Variants in ACBD5 observed in about 807,000 individuals in gnomAD.
The protein encoded by ACBD5 is acyl-CoA-binding domain-containing protein 5.
A neutral mutation model predicts 71.8 loss-of-function variants in ACBD5; 40 were observed. The observed-to-expected ratio is 0.56, with a 90% CI of 0.43 to 0.72. The LOEUF is 0.72. Ranked by LOEUF, ACBD5 falls within the 30% of genes least tolerant of loss-of-function variation. The pLI, the probability that ACBD5 is intolerant of heterozygous loss-of-function variation, is 0.00. For missense variants in ACBD5, 559 were observed against 644.5 expected (o/e 0.87, Z 1.44); for synonymous variants, 229 against 218.6 (o/e 1.05, Z -0.42).
At chr10:27,185,132 C>T (rs1304894816) in intron 13 of ACBD5, among the ~76,000 whole-genome samples, 1 of 152,052 alleles carries the variant, frequency 6.6e-6, no homozygotes, top group Admixed American at 6.6e-5. Flanking sequence ...GGATGGAGCA[C>T]AGGGAAGAAA....
Position 27,195,927 on chromosome 10 carries a change from G to T in ACBD5, c.*1503C>A, listed in dbSNP as rs754671748. On this transcript the variant is annotated 3_prime_UTR_variant, in exon 13 of 13. Coordinates refer to ENST00000396271, the MANE Select transcript of ACBD5 (RefSeq NM_145698.5). ...TTAAAAATTATTTGCTACAGGCCAG[G>T]TGCAGTGGCTCACGCCTCTAATCCC... 2.2e-6 allele frequency: 1 copy of T among 452,516 alleles called. No homozygotes were observed. Among genetic ancestry groups the T allele is most frequent in the Non-Finnish European group, 4.4e-6 (1 of 226,404 alleles). 28.0% of individuals were successfully genotyped at this position (452,516 alleles called of 1,614,324 possible).
Position 27,186,346 on chromosome 10 carries a change from T to C in ACBD5, c.1494-3631A>G, listed in dbSNP as rs73598041. On this transcript the variant is annotated intron_variant, in intron 13 of 13. Transcript: ENST00000676511. Reference sequence around the variant, plus strand: ...AAAGCAGTACTTACTTAGGTAATGATATCATACTGTTTTGTTTTATATTTT... The same window carrying C: ...AAAGCAGTACTTACTTAGGTAATGACATCATACTGTTTTGTTTTATATTTT... 0.048 allele frequency: 76,186 copies of C among 1,592,828 alleles called. 2,009 individuals are homozygous for C. Among genetic ancestry groups the C allele is most frequent in the African/African-American group, 0.084 (6,226 of 74,556 alleles).
rs909474336 is a variant in ACBD5 at position 27,240,607 on chromosome 10, C to A, written c.15+67G>T. 7 of 1,551,018 alleles carry A rather than the reference C, an allele frequency of 4.5e-6. No homozygotes were observed. The highest frequency in any genetic ancestry group is 3.9e-5 in the Admixed American group (2 of 50,980). ...CACACAGATCGAAGCGGCCCGGCTC[C>A]TTCCTCCTCCCCCGGGGCGTGACTA... On this transcript the variant is annotated intron_variant, in intron 1 of 12. Coordinates refer to ENST00000396271, the MANE Select transcript of ACBD5 (RefSeq NM_145698.5). This position sits in a 1 kb window ranked among gnomAD's most constrained non-coding sequence, Gnocchi z 4.1.
upstream of ACBD5, chr10:27,240,840 G>A (rs1294765572): frequency 1.1e-5 from 14 of 1,221,714 alleles, no homozygotes; most frequent in Non-Finnish European, 1.6e-5. This position sits in a 1 kb window ranked among gnomAD's most constrained non-coding sequence, Gnocchi z 4.1. Flanking sequence ...AGAGTCACCG[G>A]AGGACCCACT....
At chr10:27,219,881 C>G in intron 5 of ACBD5, 24 bp from the exon 6 acceptor site, 1 of 1,611,704 alleles carries the variant, frequency 6.2e-7, no homozygotes, top group Non-Finnish European at 8.5e-7. Context: ...TGACCACTTA[C>G]TCACAATGTG....
intron 10 of ACBD5, among the ~76,000 whole-genome samples, chr10:27,207,015 C>A (rs1332646715): frequency 6.6e-6 from 1 of 151,738 alleles, no homozygotes; most frequent in Admixed American, 6.6e-5. Flanking sequence ...CGGTGGCTCA[C>A]GCCTGTAATC....
Position 27,230,616 on chromosome 10 carries a change from G to A in ACBD5, c.375+1132C>T, listed in dbSNP as rs367930119. 1.7e-4 allele frequency among the ~76,000 whole-genome samples: 26 copies of A among 152,106 alleles called. No individual in the cohort carries two copies. The East Asian group carries it at 3.1e-3, about 18-fold the overall frequency. ...ATTTGAGACCAGCCTGGCCAACATC[G>A]TGAAATCCCGTCTGCACTAAAAATA... is the stretch of plus-strand genomic sequence containing the variant. On this transcript the variant is annotated intron_variant, in intron 4 of 12. Coordinates refer to ENST00000396271, the MANE Select transcript of ACBD5 (RefSeq NM_145698.5).
intron 12 of ACBD5, among the ~76,000 whole-genome samples, chr10:27,200,222 G>C (rs2059775697): frequency 6.6e-6 from 1 of 152,092 alleles, no homozygotes; most frequent in African/African-American, 2.4e-5. Context: ...TAAAGAAGCT[G>C]GCTAAAACCC....
At chr10:27,206,873 A>C (rs1470258072) in intron 10 of ACBD5, among the ~76,000 whole-genome samples, 7 of 152,136 alleles carry the variant, frequency 4.6e-5, no homozygotes, top group Non-Finnish European at 2.9e-5. Flanking sequence ...TGATGAAGAC[A>C]ACAAGTCCTC....
At chr10:27,229,415 C>T (rs959507445) in intron 4 of ACBD5, among the ~76,000 whole-genome samples, 7 of 151,508 alleles carry the variant, frequency 4.6e-5, no homozygotes, top group Non-Finnish European at 1.5e-5. Context: ...CATGGTGAAA[C>T]CCCCATCTCT....
intron 7 of ACBD5, among the ~76,000 whole-genome samples, chr10:27,215,903 T>C (rs35344407): frequency 1.3e-3 from 187 of 148,202 alleles, no homozygotes; most frequent in Non-Finnish European, 2.3e-3. Flanking sequence ...AGACGGAGTT[T>C]TGCTCTTGTG....
Position 27,228,441 on chromosome 10 carries a change from G to T in ACBD5, c.375+3307C>A, listed in dbSNP as rs139751188. On this transcript the variant is annotated intron_variant, in intron 4 of 12. Coordinates refer to ENST00000396271, the MANE Select transcript of ACBD5 (RefSeq NM_145698.5). Reference sequence around the variant, plus strand: ...AAATACAAAAAATTAGCCAGATGTGGTGGTTTGCGCCTGTAATCCCAGCTA... The same window carrying T: ...AAATACAAAAAATTAGCCAGATGTGTTGGTTTGCGCCTGTAATCCCAGCTA... 3.9e-3 allele frequency among the ~76,000 whole-genome samples: 588 copies of T among 151,956 alleles called. 5 individuals carry two copies. Among genetic ancestry groups the T allele is most frequent in the African/African-American group, 0.013 (559 of 41,472 alleles).
At chr10:27,236,113 CAAAA>C (rs138918182) in intron 2 of ACBD5, among the ~76,000 whole-genome samples, 105,891 of 138,608 alleles carry the variant, frequency 0.76, 39,952 homozygotes, top group African/African-American at 0.85. Flanking sequence ...GACCCTGTCT[CAAAA>C]AAAAAAAAAA....
chr10:27,205,278 T>G, intron 10 of ACBD5, 30 bp from the exon 11 acceptor site: 1 of 1,604,702 alleles, frequency 6.2e-7, no homozygotes, highest in East Asian at 2.2e-5. Context: ...TGACTTAGCC[T>G]TGAAAAAATG....
chr10:27,241,013 T>C (rs563755076), upstream of ACBD5: 41 of 524,548 alleles, frequency 7.8e-5, no homozygotes, highest in Non-Finnish European at 1.2e-4. Context: ...GTGCGCGCTT[T>C]TGTTCAGAAG....
rs377614184 is a variant in ACBD5, at chr10:27,210,711, T to C, written c.1204+103A>G. 1.7e-5 allele frequency: 25 copies of C among 1,502,016 alleles called. 1 individual carries two copies. Among genetic ancestry groups the C allele is most frequent in the Middle Eastern group, 2.1e-4 (1 of 4,772 alleles). 93.0% of individuals were successfully genotyped at this position (1,502,016 alleles called of 1,614,324 possible). A position where few individuals can be genotyped will look rare whatever the true frequency, so the allele number is the denominator to read the frequency against. The stretch of plus-strand genomic sequence containing the variant: ...AGGCAGAGGTTGCAGTGAGCCGAGA[T>C]TGCACCACCGCACACCAGCCTGGGC... On this transcript the variant is annotated intron_variant, in intron 9 of 12. Transcript: ENST00000396271.
At chr10:27,218,768 TAG>T (rs977802579) in intron 6 of ACBD5, among the ~76,000 whole-genome samples, 14 of 152,152 alleles carry the variant, frequency 9.2e-5, no homozygotes, top group African/African-American at 3.4e-4. Flanking sequence ...GTATTTTTAG[TAG>T]AGACGGGGTT....
chr10:27,219,772 C>T lies in ACBD5; in HGVS notation c.576G>A (p.Glu192=), dbSNP rs1431093514. ...TCACTTCTTCTTGGGCCTCTTCTTC[C>T]TCAGACTCGGCTCCACTGTCACTGC... The part of the protein sequence containing the change: ...AESSDSGAES[E]EEEAQEEVKG... The change falls in exon 6 of 13, where the codon GAG becomes GAA. Residue 192 remains glutamate, a synonymous_variant. Coordinates refer to ENST00000396271, the MANE Select transcript of ACBD5 (RefSeq NM_145698.5). The T allele has an allele frequency of 1.2e-6, 2 of 1,614,112 alleles. No homozygotes were observed. Among genetic ancestry groups the T allele is most frequent in the Admixed American group, 1.7e-5 (1 of 60,008 alleles).
intron 10 of ACBD5, among the ~76,000 whole-genome samples, chr10:27,206,425 T>C (rs2060474230): frequency 1.3e-5 from 2 of 151,922 alleles, no homozygotes; most frequent in South Asian, 4.2e-4. Flanking sequence ...GAGACCAGCC[T>C]GGGCAACATG....
Sources: gnomAD v4.1 joint callset for allele counts (sites outside exome capture counted in the v4.1 genomes callset) on GRCh38, gnomAD v4.1.1 for gene constraint, Gnocchi (gnomAD v3.1) non-coding constraint, MANE v1.5 for transcripts, NCBI Gene and HGNC (gene_info 2026-07-23, HGNC 2026-07-21) for gene names.